Variants in SLC25A13 observed in about 807,000 individuals in gnomAD.
SLC25A13 encodes electrogenic aspartate/glutamate antiporter SLC25A13, mitochondrial.
Under a neutral mutation model 85.5 loss-of-function variants are expected in SLC25A13, and 70 were observed. The ratio of observed to expected loss-of-function variants is 0.82; its 90% CI spans 0.68 to 1.00. SLC25A13 has a LOEUF of 1.00. Among genes scored for constraint, SLC25A13 ranks in the 50% least tolerant of loss-of-function variants. SLC25A13 has a pLI of 0.00. For missense variants in SLC25A13, 765 were observed against 819.8 expected, an observed-to-expected ratio of 0.93 and a Z score of 0.82; for synonymous variants, 259 against 288.7, an observed-to-expected ratio of 0.90 and a Z score of 1.04.
intron 13 of SLC25A13, among the ~76,000 whole-genome samples, chr7:96,151,732 C>T (rs1295645571): frequency 6.6e-6 from 1 of 152,080 alleles, no homozygotes; most frequent in Non-Finnish European, 1.5e-5. Flanking sequence ...CACCTGAGGT[C>T]AGGAGTTTGA....
intron 13 of SLC25A13, among the ~76,000 whole-genome samples, chr7:96,152,206 T>C (rs2116503220): frequency 6.6e-6 from 1 of 152,300 alleles, no homozygotes; most frequent in Non-Finnish European, 1.5e-5. Flanking sequence ...AGGTCCAGGA[T>C]GCTGCCTAGA....
intron 13 of SLC25A13, among the ~76,000 whole-genome samples, chr7:96,156,150 A>G (rs1441477477): frequency 1.3e-5 from 2 of 152,210 alleles, no homozygotes; most frequent in Non-Finnish European, 2.9e-5. Flanking sequence ...AAATACATCA[A>G]GTAATATGGA....
chr7:96,292,672 A>T (rs1438821458), intron 2 of SLC25A13, among the ~76,000 whole-genome samples: 5 of 152,224 alleles, frequency 3.3e-5, no homozygotes, highest in Non-Finnish European at 7.3e-5. Context: ...GTGAACTCCC[A>T]TTCACAATTG....
intron 5 of SLC25A13, among the ~76,000 whole-genome samples, chr7:96,204,945 G>A (rs550210952): frequency 1.3e-5 from 2 of 152,280 alleles, no homozygotes; most frequent in Admixed American, 6.5e-5. Context: ...GTCTTGCTCT[G>A]TTGCTCAGGC....
intron 3 of SLC25A13, among the ~76,000 whole-genome samples, chr7:96,275,056 G>A (rs553456514): frequency 2.6e-5 from 4 of 152,288 alleles, no homozygotes; most frequent in Admixed American, 2.6e-4. Flanking sequence ...AAAGTCATTG[G>A]TAGCTTGATG....
chr7:96,120,268 G>A lies in SLC25A13; in HGVS notation c.*923C>T, dbSNP rs1368888825. On this transcript the variant is annotated 3_prime_UTR_variant, in exon 18 of 18. Transcript: ENST00000265631. ...CACCTTCACAAATTCATGCGCCTCT[G>A]ACCATTATGCAAGGCAACATGAATT... 2.2e-6 allele frequency: 1 copy of A among 453,722 alleles called. No individual in the cohort carries two copies. The highest frequency in any genetic ancestry group is 1.6e-5 in the South Asian group (1 of 64,472). The allele number at this position is 453,722 out of a possible 1,614,324, so 28.1% of individuals were successfully genotyped here.
chr7:96,321,663 C>T (rs921394757), intron 1 of SLC25A13, among the ~76,000 whole-genome samples: 10 of 152,144 alleles, frequency 6.6e-5, no homozygotes, highest in African/African-American at 2.2e-4. Flanking sequence ...TCGGCCCTGG[C>T]TCAGCCCCGT....
At chr7:96,203,442 C>T (rs1795337306) in intron 5 of SLC25A13, among the ~76,000 whole-genome samples, 1 of 152,188 alleles carries the variant, frequency 6.6e-6, no homozygotes, top group African/African-American at 2.4e-5. Flanking sequence ...ATTTCAACTT[C>T]AAATCCACCT....
intron 3 of SLC25A13, among the ~76,000 whole-genome samples, chr7:96,250,274 C>CATATTGTA (rs1285290739): frequency 6.6e-6 from 1 of 152,174 alleles, no homozygotes; most frequent in Non-Finnish European, 1.5e-5. Flanking sequence ...ATTACATGTT[C>CATATTGTA]AGCTAAATCC....
intron 15 of SLC25A13, among the ~76,000 whole-genome samples, chr7:96,127,662 T>A (rs1046807995): frequency 2.0e-5 from 3 of 152,222 alleles, no homozygotes; most frequent in African/African-American, 7.2e-5. Flanking sequence ...TTATTTATAA[T>A]AGGCTGATGT....
intron 13 of SLC25A13, among the ~76,000 whole-genome samples, chr7:96,152,672 C>G (rs986112508): frequency 1.3e-5 from 2 of 152,094 alleles, no homozygotes; most frequent in African/African-American, 4.8e-5. Context: ...ACATATATAA[C>G]TGAAGGCAGG....
At chr7:96,317,782 A>T in intron 1 of SLC25A13, among the ~76,000 whole-genome samples, 1 of 145,116 alleles carries the variant, frequency 6.9e-6, no homozygotes, top group African/African-American at 2.5e-5. Context: ...ATTTTATTTT[A>T]TTTTATTATT....
At chr7:96,288,355 C>T (rs1027629479) in intron 2 of SLC25A13, among the ~76,000 whole-genome samples, 5 of 152,302 alleles carry the variant, frequency 3.3e-5, no homozygotes, top group Non-Finnish European at 7.4e-5. Context: ...ATGCAGAAGA[C>T]AGGTGATTTC....
At chr7:96,250,770 T>C (rs1411383934) in intron 3 of SLC25A13, among the ~76,000 whole-genome samples, 3 of 136,286 alleles carry the variant, frequency 2.2e-5, no homozygotes, top group Non-Finnish European at 4.7e-5. Flanking sequence ...CATAAAATAT[T>C]ACAGTGGTCC....
intron 2 of SLC25A13, among the ~76,000 whole-genome samples, chr7:96,280,865 T>C (rs957795871): frequency 2.0e-5 from 3 of 152,086 alleles, no homozygotes; most frequent in South Asian, 2.1e-4. Flanking sequence ...TTTAGAAAAA[T>C]GCTGGGCAGT....
At chr7:96,168,099 A>G (rs906649995) in intron 13 of SLC25A13, among the ~76,000 whole-genome samples, 47 of 44,976 alleles carry the variant, frequency 1.0e-3, no homozygotes, top group Non-Finnish European at 1.4e-3. Flanking sequence ...ACTCTGTCTG[A>G]AAAAAAAAAA....
At chr7:96,315,167 C>G (rs141353124) in intron 1 of SLC25A13, among the ~76,000 whole-genome samples, 1 of 152,312 alleles carries the variant, frequency 6.6e-6, no homozygotes, top group East Asian at 1.9e-4. Flanking sequence ...ACAAAGCTGT[C>G]AAGAAAGAAG....
At chr7:96,168,277 G>A (rs567751733) in intron 13 of SLC25A13, among the ~76,000 whole-genome samples, 3 of 151,988 alleles carry the variant, frequency 2.0e-5, no homozygotes, top group African/African-American at 7.2e-5. Context: ...TGATTGGGGG[G>A]GAAAAAGGCA....
At chr7:96,310,457 C>T (rs1193263360) in intron 1 of SLC25A13, among the ~76,000 whole-genome samples, 4 of 152,160 alleles carry the variant, frequency 2.6e-5, no homozygotes, top group Non-Finnish European at 4.4e-5. Flanking sequence ...TAATATCAGT[C>T]GGTAACATAA....
Sources: gnomAD v4.1 joint callset for allele counts (sites outside exome capture counted in the v4.1 genomes callset) on GRCh38, gnomAD v4.1.1 for gene constraint, MANE v1.5 for transcripts, NCBI Gene and HGNC (gene_info 2026-07-23, HGNC 2026-07-21) for gene names.